The following NCKAP5 variants were observed in gnomAD, a reference collection of about 807,000 sequenced individuals.
NCKAP5 encodes the protein nck-associated protein 5.
Under a neutral mutation model 167.0 loss-of-function variants are expected in NCKAP5, and 92 were observed. The observed-to-expected ratio is 0.55, with a 90% CI of 0.47 to 0.66. The LOEUF (loss-of-function observed/expected upper bound fraction) is 0.66. NCKAP5 is among the 30% of genes least tolerant of loss of function. The pLI, the probability that NCKAP5 is intolerant of heterozygous loss-of-function variation, is 0.00. For missense variants in NCKAP5, 2,378 were observed against 2,315.0 expected, an observed-to-expected ratio of 1.03 and a Z score of -0.56; for synonymous variants, 891 against 877.4, an observed-to-expected ratio of 1.02 and a Z score of -0.27.
intron 17 of NCKAP5, among the ~76,000 whole-genome samples, chr2:132,729,516 T>C (rs1319733777): frequency 6.6e-6 from 1 of 152,190 alleles, no homozygotes; most frequent in Non-Finnish European, 1.5e-5. Flanking sequence ...CAAGCTTTAA[T>C]GTACATATGG....
At chr2:133,092,740 C>T (rs907048611) in intron 6 of NCKAP5, among the ~76,000 whole-genome samples, 30 of 152,182 alleles carry the variant, frequency 2.0e-4, no homozygotes, top group Admixed American at 1.9e-3. Flanking sequence ...CAGTAAACCA[C>T]TGGTACGTTT....
the NCKAP5 span, among the ~76,000 whole-genome samples, chr2:133,617,220 G>A: frequency 3.3e-5 from 5 of 152,164 alleles, no homozygotes; most frequent in Admixed American, 6.5e-5. Flanking sequence ...AAAACTGGAA[G>A]CATTCCCTTT....
intron 3 of NCKAP5, chr2:133,390,991 T>A (rs980330819): frequency 6.6e-6 from 1 of 152,190 alleles, no homozygotes; most frequent in Admixed American, 6.5e-5. Context: ...AAGCATTGTG[T>A]TGGGCACTGG....
At chr2:133,245,717 G>A (rs1306799933) in intron 4 of NCKAP5, among the ~76,000 whole-genome samples, 1 of 152,022 alleles carries the variant, frequency 6.6e-6, no homozygotes, top group Non-Finnish European at 1.5e-5. Flanking sequence ...GGAAAAACAG[G>A]AGAATGTTAA....
At position 132,734,422 on chromosome 2, in the gene NCKAP5, G is replaced by A. The variant is rs761622805; in HGVS notation, c.5129-2371C>T. Among the ~76,000 whole-genome samples, 59 of 152,158 alleles carry A rather than the reference G, an allele frequency of 3.9e-4. 1 individual carries two copies. Among genetic ancestry groups the A allele is most frequent in the Non-Finnish European group, 1.6e-4 (11 of 68,026 alleles). ...GTAGATCTTCATCAGAACCGACTCA[G>A]TCTTTGAAGATGAGAATCAAAGATT... On this transcript the variant is annotated intron_variant, in intron 16 of 19. Coordinates refer to ENST00000409261, the MANE Select transcript of NCKAP5 (RefSeq NM_207363.3).
the NCKAP5 span, among the ~76,000 whole-genome samples, chr2:133,605,457 G>A: frequency 1.3e-5 from 2 of 152,142 alleles, no homozygotes; most frequent in South Asian, 2.1e-4. Flanking sequence ...ACTCCTAAAG[G>A]GGATGAAGAC....
At chr2:132,678,037 T>C (rs1225665551) in intron 19 of NCKAP5, among the ~76,000 whole-genome samples, 1 of 152,136 alleles carries the variant, frequency 6.6e-6, no homozygotes, top group Non-Finnish European at 1.5e-5. Flanking sequence ...AGTCATGAAG[T>C]AGAGATTTTT....
At chr2:133,565,820 G>A (rs1224370404) in intron 1 of NCKAP5, among the ~76,000 whole-genome samples, 4 of 152,226 alleles carry the variant, frequency 2.6e-5, no homozygotes, top group Non-Finnish European at 5.9e-5. Context: ...TGAGGCTTGG[G>A]TGTTTGCAAC....
At chr2:132,855,461 G>A (rs1243490643) in intron 11 of NCKAP5, among the ~76,000 whole-genome samples, 2 of 152,230 alleles carry the variant, frequency 1.3e-5, no homozygotes, top group African/African-American at 4.8e-5. Context: ...TTGTAGGGCA[G>A]GACTGGAGGC....
At chr2:133,055,410 A>T (rs1261933330) in intron 6 of NCKAP5, among the ~76,000 whole-genome samples, 2 of 151,844 alleles carry the variant, frequency 1.3e-5, no homozygotes, top group Non-Finnish European at 2.9e-5. Context: ...GGAATCAAAT[A>T]GGTCAGCCAC....
intron 3 of NCKAP5, among the ~76,000 whole-genome samples, chr2:133,502,193 G>T (rs1446805349): frequency 6.6e-6 from 1 of 152,202 alleles, no homozygotes; most frequent in Non-Finnish European, 1.5e-5. Flanking sequence ...TGGTTTATAT[G>T]TGCCTCTACT....
chr2:133,416,872 T>C (rs1689143201), intron 3 of NCKAP5, among the ~76,000 whole-genome samples: 1 of 152,082 alleles, frequency 6.6e-6, no homozygotes, highest in Non-Finnish European at 1.5e-5. Context: ...TTCCTCGAGG[T>C]TTGGAAAAAG....
chr2:133,112,480 A>T lies in NCKAP5; in HGVS notation c.341+17498T>A, dbSNP rs562363956. 9.3e-4 allele frequency among the ~76,000 whole-genome samples: 142 copies of T among 152,318 alleles called. No individual in the cohort carries two copies. In the Middle Eastern group the frequency reaches 0.02, roughly 22 times the overall value. ...CAGAGTAAGACTCCGTCTTAAAAAAAAAAAAAGTATGCTGTTCACTGGTTA... is the reference window on the plus strand; with the variant it reads ...CAGAGTAAGACTCCGTCTTAAAAAATAAAAAAGTATGCTGTTCACTGGTTA... On this transcript the variant is annotated intron_variant, in intron 6 of 19. Coordinates refer to ENST00000409261, the MANE Select transcript of NCKAP5 (RefSeq NM_207363.3).
At chr2:133,649,233 G>T in the NCKAP5 span, among the ~76,000 whole-genome samples, 4 of 149,888 alleles carry the variant, frequency 2.7e-5, no homozygotes, top group African/African-American at 7.4e-5. Flanking sequence ...TATGGAGAGT[G>T]AATCAGTAAT....
intron 3 of NCKAP5, among the ~76,000 whole-genome samples, chr2:133,508,356 CAGA>C (rs1234537674): frequency 2.0e-5 from 3 of 152,168 alleles, no homozygotes; most frequent in Non-Finnish European, 4.4e-5. Context: ...TCAATGTAGC[CAGA>C]AGAACAACTT....
At chr2:133,053,560 T>G (rs1474165492) in intron 6 of NCKAP5, among the ~76,000 whole-genome samples, 2 of 152,204 alleles carry the variant, frequency 1.3e-5, no homozygotes, top group Non-Finnish European at 2.9e-5. Flanking sequence ...CTTCAAAAAT[T>G]CAAAGGTTAA....
chr2:132,978,144 A>T (rs2077030430), intron 7 of NCKAP5, among the ~76,000 whole-genome samples: 1 of 152,238 alleles, frequency 6.6e-6, no homozygotes, highest in Admixed American at 6.5e-5. Context: ...TGTATGTGAA[A>T]AAGCAACAGA....
chr2:133,290,062 A>G (rs1184324400), intron 4 of NCKAP5, among the ~76,000 whole-genome samples: 1 of 152,220 alleles, frequency 6.6e-6, no homozygotes, highest in East Asian at 1.9e-4. Context: ...AGATTTGGGC[A>G]GGGACACAAA....
intron 3 of NCKAP5, among the ~76,000 whole-genome samples, chr2:133,392,984 T>C (rs1333953586): frequency 6.6e-6 from 1 of 152,214 alleles, no homozygotes; most frequent in Non-Finnish European, 1.5e-5. Flanking sequence ...AGCAGAGAAC[T>C]GAGTCTAGAG....
Sources: allele counts gnomAD v4.1 joint callset (sites outside exome capture counted in the v4.1 genomes callset), GRCh38; gene constraint gnomAD v4.1.1; transcripts MANE v1.5; gene names NCBI Gene and HGNC (gene_info 2026-07-23, HGNC 2026-07-21).